Variants in CD247 observed in about 807,000 individuals in gnomAD.
CD247 encodes the protein CD247 molecule.
CD247 carries 13 observed loss-of-function variants against 30.0 expected under a neutral mutation model. The ratio of observed to expected loss-of-function variants is 0.43; its 90% confidence interval spans 0.28 to 0.69. The LOEUF is 0.69. Among genes scored for constraint, CD247 ranks in the 30% least tolerant of loss-of-function variants. The pLI is 0.16. For missense variants in CD247, 193 were observed against 212.6 expected, an observed-to-expected ratio of 0.91 and a Z score of 0.57; for synonymous variants, 72 against 80.0, an observed-to-expected ratio of 0.90 and a Z score of 0.53.
At chr1:167,433,218 G>A (rs1364854124) in intron 6 of CD247, among the ~76,000 whole-genome samples, 159 bp from the exon 7 acceptor site, 1 of 152,214 alleles carries the variant, frequency 6.6e-6, no homozygotes, top group African/African-American at 2.4e-5. Context: ...TCAGGCCCCT[G>A]GTCAGACCTT....
chr1:167,447,319 T>C (rs1571523944), intron 1 of CD247, among the ~76,000 whole-genome samples: 3 of 152,236 alleles, frequency 2.0e-5, no homozygotes, highest in Non-Finnish European at 1.5e-5. Context: ...CCAGTGCCTC[T>C]GGGGTTCCTG....
intron 1 of CD247, among the ~76,000 whole-genome samples, chr1:167,484,754 C>A (rs762739515): frequency 6.6e-6 from 1 of 152,176 alleles, no homozygotes; most frequent in African/African-American, 2.4e-5. Context: ...TCCAGCCCGG[C>A]GACAGAGCGA....
intron 1 of CD247, among the ~76,000 whole-genome samples, chr1:167,464,895 C>T (rs1558010226): frequency 6.6e-6 from 1 of 152,064 alleles, no homozygotes. Flanking sequence ...GCAGTGTGTG[C>T]TCTGTAAAAA....
chr1:167,472,968 G>A (rs976522112), intron 1 of CD247, among the ~76,000 whole-genome samples: 1 of 152,030 alleles, frequency 6.6e-6, no homozygotes, highest in African/African-American at 2.4e-5. Flanking sequence ...TGGCCTTCCC[G>A]GCAGCCCCTG....
chr1:167,504,188 A>T (rs1737506), intron 1 of CD247, among the ~76,000 whole-genome samples: 36,059 of 152,072 alleles, frequency 0.24, 5,317 homozygotes, highest in Admixed American at 0.41. Context: ...CCACCTATCA[A>T]GTGGGGACAT....
intron 1 of CD247, among the ~76,000 whole-genome samples, chr1:167,468,441 C>T (rs1021299135): frequency 3.3e-5 from 5 of 152,132 alleles, no homozygotes; most frequent in Admixed American, 1.3e-4. Flanking sequence ...TTTTTCAAAC[C>T]TCTCATAGCT....
intron 1 of CD247, among the ~76,000 whole-genome samples, chr1:167,460,613 A>G (rs540257703): frequency 1.3e-4 from 20 of 152,152 alleles, no homozygotes; most frequent in African/African-American, 4.1e-4. Flanking sequence ...TAAAAATTAT[A>G]CTTTAAGTTC....
intron 1 of CD247, among the ~76,000 whole-genome samples, chr1:167,508,701 G>A (rs921102363): frequency 2.0e-5 from 3 of 152,108 alleles, no homozygotes; most frequent in Admixed American, 6.5e-5. Flanking sequence ...AAGCTCTCTT[G>A]GCTGACTCAA....
chr1:167,472,813 C>A (rs556345714), intron 1 of CD247, among the ~76,000 whole-genome samples: 2 of 152,260 alleles, frequency 1.3e-5, no homozygotes, highest in African/African-American at 4.8e-5. Flanking sequence ...CTGATCCTGC[C>A]ACTCCCACAC....
chr1:167,439,428 C>G (rs375722357), intron 2 of CD247, 28 bp from the exon 3 acceptor site: 140 of 1,612,874 alleles, frequency 8.7e-5, no homozygotes, highest in Non-Finnish European at 1.1e-4. Flanking sequence ...AAGCGCGTTA[C>G]TGCTCCGCGA....
chr1:167,440,473 C>T lies in CD247; in HGVS notation c.162+191G>A, dbSNP rs1651775460. ...CACCAGGCTCTCCCTCCTACCCTGT[C>T]CATCTCAGCCAGACACTGCCACCTC... On this transcript the variant is annotated intron_variant, in intron 2 of 7. Transcript: ENST00000362089. The T allele has an allele frequency of 7.7e-6, 5 of 646,240 alleles. No individual in the cohort carries two copies. The South Asian group carries it at 8.7e-5, about 11-fold the overall frequency. The allele number at this position is 646,240 out of a possible 1,614,324, so 40.0% of individuals were successfully genotyped here. A position where few individuals can be genotyped will look rare whatever the true frequency, so the allele number is the denominator to read the frequency against.
At chr1:167,431,769 A>T in intron 7 of CD247, 23 bp from the exon 8 acceptor site, 2 of 1,610,574 alleles carry the variant, frequency 1.2e-6, no homozygotes, top group Non-Finnish European at 1.7e-6. Flanking sequence ...CAAATCAGAA[A>T]ACAAAGAGTG....
intron 1 of CD247, among the ~76,000 whole-genome samples, chr1:167,456,285 C>T (rs1652666392): frequency 6.6e-6 from 1 of 152,178 alleles, no homozygotes; most frequent in Non-Finnish European, 1.5e-5. Flanking sequence ...GCTGTGCTGG[C>T]TCCCACCCAG....
chr1:167,438,502 T>A, intron 4 of CD247, 68 bp downstream of exon 4: 1 of 1,247,800 alleles, frequency 8.0e-7, no homozygotes, highest in South Asian at 1.2e-5. Context: ...TGAGGAGCCC[T>A]CCCCCACAGC....
chr1:167,481,161 C>T (rs886594990), intron 1 of CD247, among the ~76,000 whole-genome samples: 3 of 152,152 alleles, frequency 2.0e-5, no homozygotes, highest in African/African-American at 7.2e-5. Context: ...GTGGCATGTT[C>T]ATGTGGTCTC....
intron 1 of CD247, among the ~76,000 whole-genome samples, chr1:167,468,169 A>T (rs998803562): frequency 1.3e-5 from 2 of 148,672 alleles, no homozygotes; most frequent in African/African-American, 5.0e-5. Flanking sequence ...GATTTCCAGT[A>T]AAAAAAAAAT....
chr1:167,498,948 C>T (rs938461013), intron 1 of CD247, among the ~76,000 whole-genome samples: 5 of 152,156 alleles, frequency 3.3e-5, no homozygotes, highest in African/African-American at 4.8e-5. Context: ...CATGCGCACA[C>T]GGGGCTCCTG....
chr1:167,470,161 A>G (rs964560885), intron 1 of CD247, among the ~76,000 whole-genome samples: 2 of 152,042 alleles, frequency 1.3e-5, no homozygotes, highest in African/African-American at 4.8e-5. Context: ...TGATCCACCC[A>G]TCTCAGCTTC....
chr1:167,465,327 CTT>C (rs765176193), intron 1 of CD247, among the ~76,000 whole-genome samples: 6 of 115,332 alleles, frequency 5.2e-5, no homozygotes, highest in African/African-American at 1.3e-4. Flanking sequence ...TTTTCTTTTT[CTT>C]TTTTTTTTTT....
Sources: allele counts gnomAD v4.1 joint callset (sites outside exome capture counted in the v4.1 genomes callset), GRCh38; gene constraint gnomAD v4.1.1; transcripts MANE v1.5; gene names NCBI Gene and HGNC (gene_info 2026-07-23, HGNC 2026-07-21).